Variants in EYS observed in about 807,000 individuals in gnomAD.
EYS encodes protein eyes shut homolog.
In EYS, 250 loss-of-function variants were observed where a neutral mutation model predicts 282.1. The ratio of observed to expected loss-of-function variants is 0.89; its 90% CI spans 0.80 to 0.98. EYS has a LOEUF of 0.98. EYS is among the 50% of genes least tolerant of loss of function. The pLI is 0.00. For missense variants in EYS, 4,016 were observed against 3,709.0 expected, an observed-to-expected ratio of 1.08 and a Z score of -2.15; for synonymous variants, 1,355 against 1,282.9, an observed-to-expected ratio of 1.06 and a Z score of -1.20.
chr6:65,605,995 A>G (rs970455397), intron 2 of EYS, among the ~76,000 whole-genome samples: 36 of 151,668 alleles, frequency 2.4e-4, no homozygotes, highest in African/African-American at 8.7e-4. Context: ...TTTACAGATA[A>G]AAACTTGAGG....
intron 32 of EYS, among the ~76,000 whole-genome samples, chr6:64,073,228 C>T (rs912592891): frequency 7.4e-4 from 113 of 151,824 alleles, no homozygotes; most frequent in African/African-American, 2.7e-3. Flanking sequence ...AACAACAATT[C>T]GTGGTTTTAT....
intron 22 of EYS, among the ~76,000 whole-genome samples, chr6:64,790,149 C>T (rs1220047216): frequency 6.6e-6 from 1 of 151,564 alleles, no homozygotes; most frequent in African/African-American, 2.4e-5. Flanking sequence ...TAAGTAAAAA[C>T]AAGTGAAAGG....
At chr6:65,687,085 A>C in intron 1 of EYS, among the ~76,000 whole-genome samples, 1 of 152,084 alleles carries the variant, frequency 6.6e-6, no homozygotes, top group Admixed American at 6.6e-5. Flanking sequence ...ATGAGTGATA[A>C]AGGATGCATT....
intron 2 of EYS, among the ~76,000 whole-genome samples, chr6:65,503,950 C>T (rs1333377323): frequency 1.3e-5 from 2 of 151,640 alleles, no homozygotes; most frequent in East Asian, 3.9e-4. Context: ...TTTTGCCTTA[C>T]CATAAAAACT....
At chr6:65,305,338 C>T (rs1021052112) in intron 11 of EYS, among the ~76,000 whole-genome samples, 2 of 152,134 alleles carry the variant, frequency 1.3e-5, no homozygotes, top group African/African-American at 2.4e-5. Context: ...TCTTGATGTA[C>T]TTAATATTAC....
At chr6:65,567,997 G>A (rs1428810644) in intron 2 of EYS, among the ~76,000 whole-genome samples, 1 of 152,058 alleles carries the variant, frequency 6.6e-6, no homozygotes, top group Admixed American at 6.6e-5. Flanking sequence ...AGATGTTGAA[G>A]TTTCCGTTTT....
intron 26 of EYS, among the ~76,000 whole-genome samples, chr6:64,587,110 A>G (rs181392603): frequency 6.6e-6 from 1 of 152,202 alleles, no homozygotes; most frequent in African/African-American, 2.4e-5. Flanking sequence ...AAAGTACACA[A>G]AACTCAAAGA....
At chr6:65,281,047 A>AG (rs1209065005) in intron 12 of EYS, among the ~76,000 whole-genome samples, 101 of 148,394 alleles carry the variant, frequency 6.8e-4, no homozygotes, top group Non-Finnish European at 1.3e-3. Flanking sequence ...AAAAAAAAAA[A>AG]AAAAGAAAAG....
chr6:64,462,712 CT>C (rs11362960), intron 26 of EYS, among the ~76,000 whole-genome samples: 3,016 of 151,952 alleles, frequency 0.02, 94 homozygotes, highest in African/African-American at 0.068. Flanking sequence ...AAGATTTTGT[CT>C]TTTTTCTCCT....
chr6:63,969,036 T>G (rs977155938), intron 35 of EYS, among the ~76,000 whole-genome samples: 2 of 152,254 alleles, frequency 1.3e-5, no homozygotes, highest in South Asian at 4.1e-4. Context: ...TATATTCCAC[T>G]TACAAATCTG....
intron 8 of EYS, among the ~76,000 whole-genome samples, chr6:65,357,773 C>A (rs536770646): frequency 2.0e-5 from 3 of 151,958 alleles, no homozygotes; most frequent in Non-Finnish European, 2.9e-5. Flanking sequence ...GTATGAAGTT[C>A]AAAAATGCTG....
intron 4 of EYS, among the ~76,000 whole-genome samples, chr6:65,494,416 T>TC (rs934495084): frequency 4.6e-5 from 7 of 151,874 alleles, no homozygotes; most frequent in African/African-American, 1.4e-4. Context: ...TAGCTGGGAC[T>TC]ACAGGCGCCC....
chr6:65,028,828 A>G (rs534335421), intron 13 of EYS, among the ~76,000 whole-genome samples: 1 of 152,200 alleles, frequency 6.6e-6, no homozygotes, highest in South Asian at 2.1e-4. Flanking sequence ...TTCACCCACT[A>G]GTTTAGCAAT....
At chr6:64,548,970 G>A (rs1430994737) in intron 26 of EYS, among the ~76,000 whole-genome samples, 1 of 152,144 alleles carries the variant, frequency 6.6e-6, no homozygotes, top group African/African-American at 2.4e-5. Context: ...CGTCTACAGT[G>A]CTCAGCCTTC....
intron 29 of EYS, among the ~76,000 whole-genome samples, chr6:64,376,133 G>A (rs1176711036): frequency 6.6e-6 from 1 of 152,212 alleles, no homozygotes; most frequent in Non-Finnish European, 1.5e-5. Context: ...AGAAGACAAA[G>A]TGCTGATTGC....
At chr6:64,440,128 T>C (rs1774887259) in intron 26 of EYS, among the ~76,000 whole-genome samples, 1 of 151,898 alleles carries the variant, frequency 6.6e-6, no homozygotes, top group Non-Finnish European at 1.5e-5. Flanking sequence ...ACAAGCTTTC[T>C]TTCTCTTTTA....
chr6:65,499,945 C>G lies in EYS; in HGVS notation c.-332-3952G>C, dbSNP rs1229482971. Among the ~76,000 whole-genome samples, 9 of 151,848 alleles carry G rather than the reference C, an allele frequency of 5.9e-5. No homozygotes were observed. The Admixed American group carries it at 5.9e-4, about 10-fold the overall frequency. Reference sequence around the variant, plus strand: ...ACAATGATCCTGTGAGGTACATAGTCATGGCCCCATTTTAAAAATGAGAAA... The same window carrying G: ...ACAATGATCCTGTGAGGTACATAGTGATGGCCCCATTTTAAAAATGAGAAA... On this transcript the variant is annotated intron_variant, in intron 2 of 42. Transcript: ENST00000503581.
rs1357647464 is a variant in EYS, at chr6:64,979,831, GATTA to G, written c.2259+17747_2259+17750del. On this transcript the variant is annotated intron_variant, in intron 14 of 42. Coordinates refer to ENST00000503581, the MANE Select transcript of EYS (RefSeq NM_001142800.2). ...ATTTTAAAAGATATACTATTGTATA[GATTA>G]ATTAGCCAACATGATTAATATTTTT... Among the ~76,000 whole-genome samples the G allele has an allele frequency of 2.0e-5, 3 of 151,584 alleles. No individual in the cohort carries two copies. In the East Asian group the frequency reaches 5.8e-4, roughly 29 times the overall value.
chr6:65,503,601 A>G (rs987286420), intron 2 of EYS, among the ~76,000 whole-genome samples: 4 of 151,730 alleles, frequency 2.6e-5, no homozygotes, highest in African/African-American at 9.7e-5. Context: ...TTAGGTATGT[A>G]ATTCATTTTG....
Sources: gnomAD v4.1 joint callset for allele counts (sites outside exome capture counted in the v4.1 genomes callset) on GRCh38, gnomAD v4.1.1 for gene constraint, MANE v1.5 for transcripts, NCBI Gene and HGNC (gene_info 2026-07-23, HGNC 2026-07-21) for gene names.